Variants in CAMTA1 observed in about 807,000 individuals in gnomAD.
CAMTA1 encodes calmodulin-binding transcription activator 1.
CAMTA1 carries 27 observed loss-of-function variants against 170.9 expected under a neutral mutation model. That is an observed-to-expected ratio of 0.16 (90% confidence interval 0.12 to 0.22). The LOEUF is 0.22. CAMTA1 is among the 10% of genes least tolerant of loss of function. The pLI, the probability that CAMTA1 is intolerant of heterozygous loss-of-function variation, is 1.00. For missense variants in CAMTA1, 1,619 were observed against 2,217.2 expected, an observed-to-expected ratio of 0.73 and a Z score of 5.42; for synonymous variants, 833 against 891.5, an observed-to-expected ratio of 0.93 and a Z score of 1.17.
At chr1:7,472,334 G>C (rs1235142133) in intron 6 of CAMTA1, among the ~76,000 whole-genome samples, 3 of 152,136 alleles carry the variant, frequency 2.0e-5, no homozygotes, top group African/African-American at 7.2e-5. Flanking sequence ...TCTGGATTCA[G>C]AGTCTGAGGA....
At chr1:6,896,641 T>C (rs1400507474) in intron 3 of CAMTA1, among the ~76,000 whole-genome samples, 1 of 152,192 alleles carries the variant, frequency 6.6e-6, no homozygotes, top group Admixed American at 6.5e-5. Context: ...ACCTAGGCAG[T>C]TGTGATTCCT....
chr1:6,934,016 G>C lies in CAMTA1; in HGVS notation c.234+108806G>C, dbSNP rs1371252898. ...GCTGTCAGTTTCCAGCACAAAGCCT[G>C]CTGGGATTTTGATTGGGATTGAGCC... is the stretch of plus-strand genomic sequence containing the variant. On this transcript the variant is annotated intron_variant, in intron 3 of 22. Transcript: ENST00000303635. The surrounding 1 kb of genome is among the most constrained non-coding windows in gnomAD (Gnocchi z 4.5). Among the ~76,000 whole-genome samples, 1 of 152,210 alleles carries C rather than the reference G, an allele frequency of 6.6e-6. No individual in the cohort carries two copies. Among genetic ancestry groups the C allele is most frequent in the Non-Finnish European group, 1.5e-5 (1 of 68,040 alleles).
chr1:6,789,804 CTTT>C (rs34542033), intron 1 of CAMTA1, among the ~76,000 whole-genome samples: 10 of 85,672 alleles, frequency 1.2e-4, no homozygotes, highest in African/African-American at 3.6e-4. Flanking sequence ...TTTAGTGTAT[CTTT>C]TTTTTTTTTT....
intron 1 of CAMTA1, among the ~76,000 whole-genome samples, chr1:6,807,389 C>A (rs1644642134): frequency 1.3e-5 from 2 of 152,210 alleles, no homozygotes; most frequent in South Asian, 4.2e-4. Flanking sequence ...TTTCTGTAGC[C>A]ATTTTTATTT....
At chr1:7,695,166 G>A in intron 11 of CAMTA1, among the ~76,000 whole-genome samples, 1 of 152,128 alleles carries the variant, frequency 6.6e-6, no homozygotes, top group East Asian at 1.9e-4. Flanking sequence ...GCCCAGAAAT[G>A]CTGCAGACAC....
chr1:7,359,789 G>A (rs138946974), intron 5 of CAMTA1, among the ~76,000 whole-genome samples: 5 of 152,194 alleles, frequency 3.3e-5, no homozygotes, highest in African/African-American at 1.2e-4. Flanking sequence ...GATAAGCAGG[G>A]AAGGTGAAAC....
At chr1:7,016,329 C>T (rs1700533929) in intron 3 of CAMTA1, among the ~76,000 whole-genome samples, 1 of 152,150 alleles carries the variant, frequency 6.6e-6, no homozygotes, top group East Asian at 1.9e-4. Flanking sequence ...GTGTGCATGT[C>T]CTATGTCACT....
At chr1:6,787,543 T>C (rs574867570) in intron 1 of CAMTA1, among the ~76,000 whole-genome samples, 1 of 152,292 alleles carries the variant, frequency 6.6e-6, no homozygotes, top group East Asian at 1.9e-4. Flanking sequence ...GTTGGAAGGG[T>C]CAGATGACTA....
At position 6,925,675 on chromosome 1, in the gene CAMTA1, C is replaced by G. The variant is rs114037795; in HGVS notation, c.234+100465C>G. On this transcript the variant is annotated intron_variant, in intron 3 of 22. Transcript: ENST00000303635. ...TGCAGAGAGGCTGGACTATTGAGCC[C>G]CAGGAGCAACTAGCCCCGTGGAGAC... Among the ~76,000 whole-genome samples the G allele has an allele frequency of 8.3e-3, 1,261 of 152,260 alleles. 14 individuals carry two copies. Among genetic ancestry groups the G allele is most frequent in the African/African-American group, 0.029 (1,186 of 41,532 alleles).
intron 5 of CAMTA1, among the ~76,000 whole-genome samples, chr1:7,376,479 A>G (rs982413547): frequency 5.3e-5 from 8 of 152,208 alleles, no homozygotes; most frequent in African/African-American, 1.9e-4. Flanking sequence ...TCCCTGGAGC[A>G]TCTATGGAGA....
intron 15 of CAMTA1, among the ~76,000 whole-genome samples, 187 bp downstream of exon 15, chr1:7,737,757 C>A (rs1046590342): frequency 3.9e-5 from 6 of 152,108 alleles, no homozygotes; most frequent in Non-Finnish European, 7.4e-5. Flanking sequence ...AGCAAAAATT[C>A]TATGTTCATG....
intron 5 of CAMTA1, among the ~76,000 whole-genome samples, chr1:7,310,992 A>G (rs1557492788): frequency 6.6e-6 from 1 of 152,218 alleles, no homozygotes; most frequent in East Asian, 1.9e-4. Context: ...AAGCCTCCCA[A>G]ACTGCTGGGA....
chr1:6,798,751 C>T (rs189141602), intron 1 of CAMTA1, among the ~76,000 whole-genome samples: 2,767 of 142,480 alleles, frequency 0.019, 360 homozygotes, highest in African/African-American at 0.069. Context: ...CGCCCGCCAC[C>T]GCGCCCGGCT....
rs1050629780 is a variant in CAMTA1, at chr1:7,640,381, GTC to G, written c.511-15_511-14del. 2 of 1,612,830 alleles carry G rather than the reference GTC, an allele frequency of 1.2e-6. No homozygotes were observed. Among genetic ancestry groups the G allele is most frequent in the Middle Eastern group, 1.6e-4 (1 of 6,080 alleles). ...GCTCCATGCCACCCTCATGCTGCCAGTCTCTGCTCTCCCCACAGAACCCCGAC... is the reference window on the plus strand; with the variant it reads ...GCTCCATGCCACCCTCATGCTGCCAGTCTGCTCTCCCCACAGAACCCCGAC... On this transcript the variant is annotated splice_polypyrimidine_tract_variant and intron_variant, in intron 6 of 22. Coordinates refer to ENST00000303635, the MANE Select transcript of CAMTA1 (RefSeq NM_015215.4).
At position 7,642,506 on chromosome 1, in the gene CAMTA1, C is replaced by T. The variant is rs1275877039; in HGVS notation, c.664+1953C>T. Among the ~76,000 whole-genome samples, 4 of 152,172 alleles carry T rather than the reference C, an allele frequency of 2.6e-5. No homozygotes were observed. Among genetic ancestry groups the T allele is most frequent in the African/African-American group, 7.2e-5 (3 of 41,452 alleles). On this transcript the variant is annotated intron_variant, in intron 7 of 22. Transcript: ENST00000303635. The surrounding 1 kb of genome is among the most constrained non-coding windows in gnomAD (Gnocchi z 6.3). ...AGGCCCGCCTGCCTGCCTTCGTACT[C>T]AGTACATAGGGGGCACCTCACTATG...
In CAMTA1 at chr1:7,737,988, A is replaced by G; in HGVS notation, c.3688A>G (p.Asn1230Asp). The G allele has an allele frequency of 6.2e-7, 1 of 1,612,958 alleles. No homozygotes were observed. The highest frequency in any genetic ancestry group is 8.5e-7 in the Non-Finnish European group (1 of 1,179,178). ...GAGAAGACCTCGTTCTGAACCCTCT[A>G]ATTACTACAGCAGTGAGAGCCACAA... ...ELRRPRSEPSNYYSSESHKDY... is the reference protein window; with the variant it reads ...ELRRPRSEPSDYYSSESHKDY... Residue 1230 changes from asparagine (N) to aspartate (D), a missense_variant, in exon 16 of 23, where the codon AAT (asparagine) becomes GAT (aspartate). Physicochemically the swap from Asn to Asp is conservative, Grantham distance 23 (BLOSUM62 1). Around this residue, in one of 8 missense-constraint regions of CAMTA1, gnomAD observed 370 missense variants for 429.4 expected, o/e 0.86. Coordinates refer to ENST00000303635, the MANE Select transcript of CAMTA1 (RefSeq NM_015215.4).
chr1:7,395,517 G>C (rs968561097), intron 5 of CAMTA1, among the ~76,000 whole-genome samples: 19 of 151,980 alleles, frequency 1.3e-4, no homozygotes, highest in African/African-American at 4.6e-4. Flanking sequence ...GGACCCTCTG[G>C]CTTTATTCAT....
intron 6 of CAMTA1, among the ~76,000 whole-genome samples, chr1:7,469,320 G>T (rs374017184): frequency 2.0e-5 from 3 of 152,226 alleles, no homozygotes; most frequent in African/African-American, 7.2e-5. Flanking sequence ...ACTAGGAATT[G>T]GTCCCAAGGT....
intron 6 of CAMTA1, among the ~76,000 whole-genome samples, chr1:7,545,462 C>T (rs1476137504): frequency 6.6e-6 from 1 of 152,182 alleles, no homozygotes; most frequent in Non-Finnish European, 1.5e-5. Context: ...ATAGTTGCGT[C>T]CTTCAGTCTC....
Sources: gnomAD v4.1 joint callset for allele counts (sites outside exome capture counted in the v4.1 genomes callset) on GRCh38, gnomAD v4.1.1 for gene constraint, gnomAD v4.1.1 regional missense constraint, Gnocchi (gnomAD v3.1) non-coding constraint, MANE v1.5 for transcripts, NCBI Gene and HGNC (gene_info 2026-07-23, HGNC 2026-07-21) for gene names.